The following KIAA0825 variants were observed in gnomAD, a reference collection of about 807,000 sequenced individuals.
KIAA0825 encodes the protein KIAA0825, also known as uncharacterized protein KIAA0825.
In KIAA0825, 119 loss-of-function variants were observed where a neutral mutation model predicts 147.6. The observed-to-expected ratio is 0.81, with a 90% CI of 0.69 to 0.94. The LOEUF is 0.94. Among genes scored for constraint, KIAA0825 ranks in the 40% least tolerant of loss-of-function variants. The pLI is 0.00. For missense variants in KIAA0825, 1,381 were observed against 1,472.7 expected, an observed-to-expected ratio of 0.94 and a Z score of 1.02; for synonymous variants, 470 against 518.1, an observed-to-expected ratio of 0.91 and a Z score of 1.26.
At chr5:94,276,970 C>T (rs555000381) in intron 20 of KIAA0825, among the ~76,000 whole-genome samples, 27 of 152,230 alleles carry the variant, frequency 1.8e-4, no homozygotes, top group African/African-American at 5.5e-4. Flanking sequence ...GCTTAGCCCA[C>T]TGGCAAGTTT....
chr5:94,176,498 T>C (rs1206525015), intron 20 of KIAA0825, among the ~76,000 whole-genome samples: 1 of 152,180 alleles, frequency 6.6e-6, no homozygotes, highest in Non-Finnish European at 1.5e-5. Flanking sequence ...GAACTGACAG[T>C]GTCTATTGTT....
At chr5:94,351,108 T>C (rs1783619455) in intron 20 of KIAA0825, among the ~76,000 whole-genome samples, 2 of 152,090 alleles carry the variant, frequency 1.3e-5, no homozygotes, top group African/African-American at 4.8e-5. Flanking sequence ...GCATCCAAAT[T>C]GGTTAAGAGG....
intron 17 of KIAA0825, among the ~76,000 whole-genome samples, chr5:94,392,974 A>T (rs1750104086): frequency 6.6e-6 from 1 of 152,078 alleles, no homozygotes; most frequent in Admixed American, 6.6e-5. Context: ...GAAGGTGCAT[A>T]CAGGTTGCAA....
chr5:94,166,504 GTTT>G (rs535152982), intron 20 of KIAA0825, among the ~76,000 whole-genome samples: 3 of 100,750 alleles, frequency 3.0e-5, no homozygotes, highest in African/African-American at 1.1e-4. Flanking sequence ...CCTCTTGGTT[GTTT>G]TTTTTTTTTT....
At chr5:94,191,123 T>C (rs766441564) in intron 20 of KIAA0825, among the ~76,000 whole-genome samples, 31 of 152,198 alleles carry the variant, frequency 2.0e-4, no homozygotes, top group Non-Finnish European at 4.1e-4. Flanking sequence ...TAAAATCACA[T>C]ATTTTTTCTA....
At chr5:94,453,195 C>T in intron 12 of KIAA0825, 126 bp from the exon 13 acceptor site, 1 of 613,560 alleles carries the variant, frequency 1.6e-6, no homozygotes, top group African/African-American at 2.0e-5. Context: ...TGTTTGGAGA[C>T]AGAGTCTTGC....
intron 7 of KIAA0825, 44 bp from the exon 8 acceptor site, chr5:94,473,563 C>A (rs567541515): frequency 9.3e-6 from 11 of 1,185,380 alleles, no homozygotes; most frequent in Non-Finnish European, 1.3e-5. Flanking sequence ...CTTAACTCAG[C>A]AACAAATGTT....
intron 20 of KIAA0825, among the ~76,000 whole-genome samples, chr5:94,336,174 A>G (rs1781767327): frequency 6.6e-6 from 1 of 152,020 alleles, no homozygotes; most frequent in Non-Finnish European, 1.5e-5. Context: ...GTTTGAGACC[A>G]GCCTAGCCGA....
intron 8 of KIAA0825, 79 bp from the exon 9 acceptor site, chr5:94,471,810 CCTAA>C: frequency 8.5e-6 from 11 of 1,288,742 alleles, no homozygotes; most frequent in African/African-American, 1.5e-5. Flanking sequence ...GAGCCAAATT[CCTAA>C]ATAATGAATT....
intron 2 of KIAA0825, among the ~76,000 whole-genome samples, chr5:94,564,349 C>G (rs1778161807): frequency 2.0e-5 from 3 of 151,056 alleles, no homozygotes; most frequent in African/African-American, 7.3e-5. Context: ...GTAGCTGTGA[C>G]TACCGGCATG....
chr5:94,536,898 A>G (rs1772142361), intron 3 of KIAA0825, 98 bp downstream of exon 3: 6 of 804,924 alleles, frequency 7.5e-6, no homozygotes, highest in Non-Finnish European at 3.8e-6. Context: ...GATAATTAAA[A>G]CCTAAAATTA....
chr5:94,506,801 T>C (rs2151143186), intron 5 of KIAA0825, among the ~76,000 whole-genome samples: 2 of 152,342 alleles, frequency 1.3e-5, no homozygotes, highest in Admixed American at 1.3e-4. Flanking sequence ...AGAATATACT[T>C]ATAAAAGGCA....
rs190784548 is a variant in KIAA0825, at chr5:94,297,142, A to C, written c.3710+87226T>G. Among the ~76,000 whole-genome samples, 36 of 152,310 alleles carry C rather than the reference A, an allele frequency of 2.4e-4. 1 individual carries two copies. Among genetic ancestry groups the C allele is most frequent in the Admixed American group, 2.3e-3 (35 of 15,298 alleles). ...AATGTTATTTCATCAGCCCAGGCACATGGAAACTCGGCTGCATGTGATCAT... is the reference window on the plus strand; with the variant it reads ...AATGTTATTTCATCAGCCCAGGCACCTGGAAACTCGGCTGCATGTGATCAT... On this transcript the variant is annotated intron_variant, in intron 20 of 20. Transcript: ENST00000682413.
At chr5:94,478,025 A>T (rs568594611) in intron 6 of KIAA0825, among the ~76,000 whole-genome samples, 1 of 152,210 alleles carries the variant, frequency 6.6e-6, no homozygotes, top group South Asian at 2.1e-4. Context: ...TGATTTACCA[A>T]GAATCAATTT....
intron 20 of KIAA0825, among the ~76,000 whole-genome samples, chr5:94,213,311 A>C (rs575499008): frequency 1.3e-5 from 2 of 152,224 alleles, no homozygotes; most frequent in South Asian, 4.1e-4. Flanking sequence ...CTATATAATA[A>C]ATATCTCTTG....
chr5:94,398,756 A>G (rs1750997199), intron 16 of KIAA0825, among the ~76,000 whole-genome samples: 1 of 152,202 alleles, frequency 6.6e-6, no homozygotes, highest in Admixed American at 6.6e-5. Flanking sequence ...CACTATGTAC[A>G]TAATGGAATT....
chr5:94,393,923 A>G (rs1162604553), intron 17 of KIAA0825, among the ~76,000 whole-genome samples: 1 of 150,372 alleles, frequency 6.7e-6, no homozygotes, highest in Non-Finnish European at 1.5e-5. Context: ...ATCTCGGCTC[A>G]CGGCAACCTC....
intron 20 of KIAA0825, among the ~76,000 whole-genome samples, chr5:94,238,608 A>G (rs1775187099): frequency 6.6e-6 from 1 of 152,156 alleles, no homozygotes. Context: ...GTCATTTGTG[A>G]TGGTTAATGA....
intron 16 of KIAA0825, among the ~76,000 whole-genome samples, chr5:94,397,792 TA>T (rs920178403): frequency 1.3e-5 from 2 of 152,178 alleles, no homozygotes; most frequent in Non-Finnish European, 2.9e-5. Context: ...ACCACTATTC[TA>T]TATGATTCCA....
Sources: gnomAD v4.1 joint callset for allele counts (sites outside exome capture counted in the v4.1 genomes callset) on GRCh38, gnomAD v4.1.1 for gene constraint, MANE v1.5 for transcripts, NCBI Gene and HGNC (gene_info 2026-07-23, HGNC 2026-07-21) for gene names.